KSR2: variants seen among roughly 807,000 people sequenced by gnomAD.
The protein encoded by KSR2 is kinase suppressor of ras 2.
Under a neutral mutation model 107.8 loss-of-function variants are expected in KSR2, and 25 were observed. The observed-to-expected ratio is 0.23, with a 90% confidence interval of 0.17 to 0.32. The LOEUF is 0.32. KSR2 is among the 10% of genes least tolerant of loss of function. The pLI is 1.00. For missense variants in KSR2, 887 were observed against 1,268.9 expected, an observed-to-expected ratio of 0.70 and a Z score of 4.57; for synonymous variants, 480 against 507.0, an observed-to-expected ratio of 0.95 and a Z score of 0.71.
chr12:117,540,831 G>T (rs1184194933), intron 9 of KSR2, among the ~76,000 whole-genome samples: 1 of 152,190 alleles, frequency 6.6e-6, no homozygotes, highest in African/African-American at 2.4e-5. Context: ...TGAATTTCTG[G>T]CCTCTAGAAC....
chr12:117,583,757 G>A (rs369795189), intron 5 of KSR2, among the ~76,000 whole-genome samples: 4 of 152,108 alleles, frequency 2.6e-5, no homozygotes, highest in East Asian at 1.9e-4. Flanking sequence ...GTGAAACAAC[G>A]GCAGCAAGGA....
intron 4 of KSR2, among the ~76,000 whole-genome samples, chr12:117,682,336 G>A (rs1247520180): frequency 1.3e-5 from 2 of 152,120 alleles, no homozygotes; most frequent in Non-Finnish European, 2.9e-5. Flanking sequence ...CCTAGGTGAT[G>A]AGTTGATAGG....
At chr12:117,511,695 A>G (rs1292739532) in intron 14 of KSR2, among the ~76,000 whole-genome samples, 1 of 152,236 alleles carries the variant, frequency 6.6e-6, no homozygotes, top group Non-Finnish European at 1.5e-5. Context: ...AAATATCCAT[A>G]GTGCCATTTC....
chr12:117,683,116 T>C (rs1317955978), intron 4 of KSR2, among the ~76,000 whole-genome samples: 2 of 152,184 alleles, frequency 1.3e-5, no homozygotes, highest in Non-Finnish European at 2.9e-5. Context: ...ACTTCGTTAC[T>C]TTTAGACTTG....
At chr12:117,606,853 G>A (rs563519607) in intron 5 of KSR2, among the ~76,000 whole-genome samples, 55 of 150,458 alleles carry the variant, frequency 3.7e-4, no homozygotes, top group African/African-American at 1.3e-3. Flanking sequence ...TGAAGAAAAC[G>A]ATGACGGCTG....
intron 14 of KSR2, among the ~76,000 whole-genome samples, chr12:117,495,802 C>T (rs1872988748): frequency 6.6e-6 from 1 of 152,170 alleles, no homozygotes; most frequent in Admixed American, 6.5e-5. Flanking sequence ...CACCTGTAAT[C>T]CCAGAACTTT....
intron 5 of KSR2, among the ~76,000 whole-genome samples, chr12:117,604,550 A>G (rs1186684813): frequency 1.3e-5 from 2 of 152,166 alleles, no homozygotes; most frequent in Non-Finnish European, 2.9e-5. Context: ...AATGCCTAAG[A>G]GTTAGAAAAA....
intron 5 of KSR2, among the ~76,000 whole-genome samples, chr12:117,631,050 G>T (rs1945643028): frequency 6.6e-6 from 1 of 152,156 alleles, no homozygotes; most frequent in Non-Finnish European, 1.5e-5. Context: ...AGGCGTGCTG[G>T]CTCACACCCA....
chr12:117,800,971 C>T (rs1008308574), intron 3 of KSR2, among the ~76,000 whole-genome samples: 1 of 152,148 alleles, frequency 6.6e-6, no homozygotes, highest in Non-Finnish European at 1.5e-5. Context: ...TGTATACATG[C>T]CACATTTTCT....
chr12:117,609,263 T>C (rs1881460779), intron 5 of KSR2, among the ~76,000 whole-genome samples: 1 of 152,154 alleles, frequency 6.6e-6, no homozygotes, highest in South Asian at 2.1e-4. Context: ...AAAATGGGGA[T>C]AACAACGTTC....
At chr12:117,899,524 A>T (rs1894621422) in intron 1 of KSR2, among the ~76,000 whole-genome samples, 1 of 152,178 alleles carries the variant, frequency 6.6e-6, no homozygotes, top group East Asian at 1.9e-4. Flanking sequence ...TGAATAAAGC[A>T]TTTTTAAAAA....
intron 5 of KSR2, among the ~76,000 whole-genome samples, chr12:117,607,084 C>T (rs1388946470): frequency 6.6e-6 from 1 of 152,062 alleles, no homozygotes; most frequent in Admixed American, 6.6e-5. Context: ...GTGATTTGTC[C>T]ACTGGCTCAT....
intron 7 of KSR2, among the ~76,000 whole-genome samples, chr12:117,569,771 C>T (rs751558419): frequency 1.3e-5 from 2 of 152,046 alleles, no homozygotes; most frequent in Non-Finnish European, 2.9e-5. Flanking sequence ...GCCTATATCA[C>T]CCTATAACTA....
At chr12:117,931,850 G>A (rs142210283) in intron 1 of KSR2, among the ~76,000 whole-genome samples, 172 of 152,290 alleles carry the variant, frequency 1.1e-3, no homozygotes, top group Middle Eastern at 3.4e-3. Context: ...ACACTGAGCT[G>A]AGCATTTTGC....
In KSR2 at chr12:117,606,649, T is replaced by C. The variant is rs559809085; in HGVS notation, c.1172-24290A>G. ...CTTTCTTCCCTACTTCTTTCCCTTC[T>C]TCCTTCCCTCCTCCTTCCCTTCCTC... On this transcript the variant is annotated intron_variant, in intron 5 of 19. Transcript: ENST00000339824. 7.8e-5 allele frequency among the ~76,000 whole-genome samples: 9 copies of C among 115,232 alleles called. 1 individual carries two copies. Among genetic ancestry groups the C allele is most frequent in the African/African-American group, 2.8e-4 (8 of 28,660 alleles). The allele number at this position is 115,232 out of a possible 152,430, so 75.6% of individuals were successfully genotyped here. A position where few individuals can be genotyped will look rare whatever the true frequency, so the allele number is the denominator to read the frequency against.
chr12:117,865,037 G>C (rs1265002185), intron 1 of KSR2, among the ~76,000 whole-genome samples: 2 of 151,668 alleles, frequency 1.3e-5, no homozygotes, highest in Non-Finnish European at 2.9e-5. Flanking sequence ...TAAGGGACCT[G>C]GGTGACAGAA....
In KSR2 at chr12:117,558,504, ACCT is replaced by A; in HGVS notation, c.1392_1393+1del. ...CTAGGGCAGTAAGTGTTAAATAGTT[ACCT>A]CCTCGGTGGATGATCAGAAGATGAC... On this transcript the variant is annotated splice_donor_variant and coding_sequence_variant, in exon 8 of 20. Coordinates refer to ENST00000339824, the MANE Select transcript of KSR2 (RefSeq NM_173598.6). LOFTEE classifies it high-confidence loss of function. 1 of 1,613,324 alleles carries A rather than the reference ACCT, an allele frequency of 6.2e-7. No individual in the cohort carries two copies. The highest frequency in any genetic ancestry group is 8.5e-7 in the Non-Finnish European group (1 of 1,179,556).
chr12:117,833,766 T>C (rs1374169925), intron 3 of KSR2, among the ~76,000 whole-genome samples: 2 of 152,108 alleles, frequency 1.3e-5, no homozygotes, highest in Non-Finnish European at 2.9e-5. Flanking sequence ...TGAAGAAATC[T>C]ACAAGCTCTT....
chr12:117,732,265 G>A lies in KSR2; in HGVS notation c.986+28746C>T, dbSNP rs77118226. The stretch of plus-strand genomic sequence containing the variant: ...AAAACACAACTAGAATGGGAGGGAT[G>A]ACTCGGTGTCTGCTTCCTGAATTTT... On this transcript the variant is annotated intron_variant, in intron 4 of 19. Transcript: ENST00000339824. Among the ~76,000 whole-genome samples the A allele has an allele frequency of 2.6e-3, 399 of 151,982 alleles. 1 individual carries two copies. The highest frequency in any genetic ancestry group is 9.1e-3 in the African/African-American group (377 of 41,482).
Sources: gnomAD v4.1 joint callset for allele counts (sites outside exome capture counted in the v4.1 genomes callset) on GRCh38, gnomAD v4.1.1 for gene constraint, MANE v1.5 for transcripts, NCBI Gene and HGNC (gene_info 2026-07-23, HGNC 2026-07-21) for gene names.